PER1: variants seen among roughly 807,000 people sequenced by gnomAD.
The protein encoded by PER1 is period circadian regulator 1.
In PER1, 87 loss-of-function variants were observed where a neutral mutation model predicts 125.9. The ratio of observed to expected loss-of-function variants is 0.69; its 90% CI spans 0.58 to 0.83. The LOEUF is 0.83. Ranked by LOEUF, PER1 falls within the 40% of genes least tolerant of loss-of-function variation. PER1 has a pLI of 0.00. For missense variants in PER1, 1,775 were observed against 1,722.8 expected (o/e 1.03, Z -0.54); for synonymous variants, 801 against 714.7 (o/e 1.12, Z -1.93).
At chr17:8,150,352 G>A (rs769408317) in intron 2 of PER1, 35 bp from the exon 3 acceptor site, 5 of 1,550,320 alleles carry the variant, frequency 3.2e-6, no homozygotes, top group Non-Finnish European at 3.5e-6. Context: ...TACAGGTAGG[G>A]CCAGCAGTGC....
chr17:8,149,565 C>T lies in PER1; in HGVS notation c.750G>A (p.Arg250=), dbSNP rs1439674484. Residue 250 remains arginine (R), a synonymous_variant, in exon 6 of 23, where the codon CGG becomes CGA. Coordinates refer to ENST00000317276, the MANE Select transcript of PER1 (RefSeq NM_002616.3). ...CCAGGAGCTCAGAGAAGCGGGTACC[C>T]CGGAACACGTCCCGCTTGCAACGCA... ...VLLRCKRDVF[R]GTRFSELLAP... 1 of 1,613,922 alleles carries T rather than the reference C, an allele frequency of 6.2e-7. No homozygotes were observed. Among genetic ancestry groups the T allele is most frequent in the Non-Finnish European group, 8.5e-7 (1 of 1,179,962 alleles).
At position 8,147,722 on chromosome 17, in the gene PER1, G is replaced by A. The variant is rs866324510; in HGVS notation, c.1340C>T (p.Pro447Leu). Residue 447 changes from proline (P) to leucine (L), a missense_variant, in exon 11 of 23, where the codon CCC (proline) becomes CTC (leucine). By Grantham distance (98) the Pro-to-Leu change is moderately conservative. Transcript: ENST00000317276. ...MDTSWAGFVH[P>L]WSRKVAFVLG... ...CACGAAGGCTACCTTGCGGCTCCAG[G>A]GGTGCACAAAGCCAGCCCAGCTGGT... 2 of 1,614,010 alleles carry A rather than the reference G, an allele frequency of 1.2e-6. No homozygotes were observed. The highest frequency in any genetic ancestry group is 2.7e-5 in the African/African-American group (2 of 74,954).
Position 8,144,605 on chromosome 17 carries a change from G to A in PER1, c.2461+146C>T, listed in dbSNP as rs900878806. 1.4e-5 allele frequency: 15 copies of A among 1,098,540 alleles called. No individual in the cohort carries two copies. In the African/African-American group the frequency reaches 2.0e-4, roughly 15 times the overall value. The allele number at this position is 1,098,540 out of a possible 1,614,324, so 68.0% of individuals were successfully genotyped here. Reference sequence around the variant, plus strand: ...CATCCTAGTGGGGAGAAGCTAGCGAGGGGCCTGTCCCTAGGCAGGGCCTAG... The same window carrying A: ...CATCCTAGTGGGGAGAAGCTAGCGAAGGGCCTGTCCCTAGGCAGGGCCTAG... On this transcript the variant is annotated intron_variant, in intron 18 of 22. Transcript: ENST00000317276.
In PER1 at chr17:8,149,319, G is replaced by A; in HGVS notation, c.854-9C>T. 1 of 1,613,878 alleles carries A rather than the reference G, an allele frequency of 6.2e-7. No individual in the cohort carries two copies. The highest frequency in any genetic ancestry group is 8.5e-7 in the Non-Finnish European group (1 of 1,179,772). ...GTCCCTGAGGCCTGAACCTGGGACA[G>A]ACAGGAGAGGAGTGAGCACAGCTTC... On this transcript the variant is annotated splice_polypyrimidine_tract_variant and intron_variant, in intron 6 of 22. Coordinates refer to ENST00000317276, the MANE Select transcript of PER1 (RefSeq NM_002616.3).
At position 8,144,958 on chromosome 17, in the gene PER1, G is replaced by T; in HGVS notation, c.2254C>A (p.Pro752Thr). The stretch of plus-strand genomic sequence containing the variant: ...GGGGCTGGGCTGGGGGCTGGGCCTG[G>T]GGCTAGGCCAGGCAGGTCCTCCATC... The part of the protein sequence containing the change: ...IMMEDLPGLA[P>T]GPAPSPAPSP... Residue 752 changes from proline to threonine, a missense_variant, in exon 18 of 23, where the codon CCA becomes ACA. Transcript: ENST00000317276. 1 of 1,508,314 alleles carries T rather than the reference G, an allele frequency of 6.6e-7. No homozygotes were observed. The allele number at this position is 1,508,314 out of a possible 1,614,324, so 93.4% of individuals were successfully genotyped here.
At chr17:8,146,244 C>T (rs761697915) in intron 16 of PER1, 107 bp from the exon 17 acceptor site, 116 of 1,520,284 alleles carry the variant, frequency 7.6e-5, no homozygotes, top group Non-Finnish European at 9.7e-5. Flanking sequence ...ACAGAGGGAA[C>T]AGTCTGGAGA....
In PER1 at chr17:8,147,959, G is replaced by C. The variant is rs754815123; in HGVS notation, c.1234+38C>G. ...ACAAGGGCAGCCACTCAAAAGCCCA[G>C]GACAGTGGGAAGGGCGAGCAGGGCG... On this transcript the variant is annotated intron_variant, in intron 10 of 22. Transcript: ENST00000317276. 9 of 1,593,198 alleles carry C rather than the reference G, an allele frequency of 5.6e-6. No individual in the cohort carries two copies. The East Asian group carries it at 1.8e-4, about 32-fold the overall frequency.
Position 8,142,270 on chromosome 17 carries a change from T to C in PER1, c.3448A>G (p.Arg1150Gly). ...RVMMTYQVPS[R>G]DMTSVLKQDR... ...AAGAAGGCCTCTGAAATGCCTCACC[T>C]GGAGGGCACCTGGTAGGTCATCATG... Residue 1150 changes from arginine to glycine, a missense_variant and splice_region_variant, in exon 21 of 23, where the codon AGG becomes GGG. Arg to Gly is a moderately radical substitution (Grantham distance 125). Coordinates refer to ENST00000317276, the MANE Select transcript of PER1 (RefSeq NM_002616.3). The C allele has an allele frequency of 6.3e-7, 1 of 1,588,404 alleles. No homozygotes were observed. Among genetic ancestry groups the C allele is most frequent in the Non-Finnish European group, 8.6e-7 (1 of 1,167,502 alleles).
chr17:8,143,273 G>A lies in PER1; in HGVS notation c.3065C>T (p.Ala1022Val). 1.9e-6 allele frequency: 3 copies of A among 1,545,800 alleles called. No individual in the cohort carries two copies. Among genetic ancestry groups the A allele is most frequent in the African/African-American group, 1.4e-5 (1 of 73,494 alleles). ...GCAGGGGTCAGTGCTCACCAGTCTG[G>A]CCTCTGGCTCAGCAGCCTCCGCACT... ...PPSAEAAEPE[A>V]RLAEVTESSN... is the part of the protein sequence containing the mutation. The change falls in exon 19 of 23, where the codon GCC becomes GTC. Residue 1022 changes from alanine (A) to valine (V), a missense_variant. By Grantham distance (64) the Ala-to-Val change is moderately conservative. Coordinates refer to ENST00000317276, the MANE Select transcript of PER1 (RefSeq NM_002616.3).
chr17:8,143,029 G>A (rs1185764709), intron 19 of PER1, among the ~76,000 whole-genome samples, 194 bp from the exon 20 acceptor site: 3 of 152,216 alleles, frequency 2.0e-5, no homozygotes, highest in African/African-American at 7.2e-5. Flanking sequence ...CCCTTTCCAA[G>A]TGACAGATGC....
chr17:8,144,051 A>G (rs897641896), intron 18 of PER1, 175 bp from the exon 19 acceptor site: 2 of 975,614 alleles, frequency 2.0e-6, no homozygotes, highest in African/African-American at 1.7e-5. Flanking sequence ...GAAGAATCAC[A>G]GGAGCCAGGG....
At position 8,141,107 on chromosome 17, in the gene PER1, G is replaced by A. The variant is rs78714615; in HGVS notation, c.3834C>T (p.Ser1278=). 9.8e-4 allele frequency: 1,579 copies of A among 1,614,108 alleles called. 9 individuals are homozygous for A. In the African/African-American group the frequency reaches 0.018, roughly 19 times the overall value. Reference sequence around the variant, plus strand: ...TTCCTGCTGTAGGTAAGGCTGGACTGGATGAGCTCCTGCCTTCTTCCTCCT... The same window carrying A: ...TTCCTGCTGTAGGTAAGGCTGGACTAGATGAGCTCCTGCCTTCTTCCTCCT... ...MEEEEEGRSS[S]SPALPTAGNC... is the part of the protein sequence containing the mutation. Residue 1278 remains serine, a synonymous_variant, in exon 23 of 23, where the codon TCC becomes TCT. Coordinates refer to ENST00000317276, the MANE Select transcript of PER1 (RefSeq NM_002616.3).
chr17:8,147,301 G>T lies in PER1; in HGVS notation c.1578C>A (p.Ser526=). The T allele has an allele frequency of 1.2e-6, 2 of 1,613,522 alleles. No homozygotes were observed. Among genetic ancestry groups the T allele is most frequent in the Non-Finnish European group, 1.7e-6 (2 of 1,179,816 alleles). The change falls in exon 13 of 23, where the codon TCC becomes TCA. Residue 526 remains serine (S), a synonymous_variant. Transcript: ENST00000317276. The stretch of plus-strand genomic sequence containing the variant: ...CATCACCCCCGTTGCTATCACTGGA[G>T]GACCCAGGGCTGTGGAGAGGGCCTG... The part of the protein sequence containing the change: ...TSPGPLHSPG[S]SSDSNGGDAE...
At position 8,150,346 on chromosome 17, in the gene PER1, G is replaced by A. The variant is rs780633886; in HGVS notation, c.276-29C>T. 6 of 1,546,962 alleles carry A rather than the reference G, an allele frequency of 3.9e-6. No homozygotes were observed. The African/African-American group carries it at 6.9e-5, about 18-fold the overall frequency. On this transcript the variant is annotated intron_variant, in intron 2 of 22. Coordinates refer to ENST00000317276, the MANE Select transcript of PER1 (RefSeq NM_002616.3). ...GGAGACAGCAACAGGCCCAGTTACA[G>A]GTAGGGCCAGCAGTGCGAGGCCTGT...
chr17:8,147,315 G>A lies in PER1; in HGVS notation c.1564C>T (p.His522Tyr). The change falls in exon 13 of 23, where the codon CAC becomes TAC. Residue 522 changes from histidine (H) to tyrosine (Y), a missense_variant. By Grantham distance (83) the His-to-Tyr change is moderately conservative. Transcript: ENST00000317276. ...CTATCACTGGAGGACCCAGGGCTGT[G>A]GAGAGGGCCTGGGGATGTCACGGCG... ...VGAVTSPGPL[H>Y]SPGSSSDSNG... 1 of 1,613,632 alleles carries A rather than the reference G, an allele frequency of 6.2e-7. No individual in the cohort carries two copies. Among genetic ancestry groups the A allele is most frequent in the East Asian group, 2.2e-5 (1 of 44,872 alleles).
chr17:8,147,511 T>C lies in PER1; in HGVS notation c.1456A>G (p.Ile486Val). 1 of 1,613,822 alleles carries C rather than the reference T, an allele frequency of 6.2e-7. No homozygotes were observed. The highest frequency in any genetic ancestry group is 1.3e-5 in the African/African-American group (1 of 75,014). The change falls in exon 12 of 23, where the codon ATC (isoleucine) becomes GTC (valine). Residue 486 changes from isoleucine (I) to valine (V), a missense_variant. Transcript: ENST00000317276. ...TGGATCTGCTCTGACAGCTCCTGGA[T>C]ATCAGTGTCCAGGGAGGGAGCTGGG... is the stretch of plus-strand genomic sequence containing the variant. ...PSPAPSLDTD[I>V]QELSEQIHRL...
In PER1 at chr17:8,141,824, G is replaced by A. The variant is rs987660527; in HGVS notation, c.3581C>T (p.Pro1194Leu). The A allele has an allele frequency of 1.2e-6, 2 of 1,613,848 alleles. No individual in the cohort carries two copies. Among genetic ancestry groups the A allele is most frequent in the East Asian group, 2.2e-5 (1 of 44,864 alleles). The change falls in exon 22 of 23, where the codon CCT becomes CTT. Residue 1194 changes from proline to leucine, a missense_variant. Coordinates refer to ENST00000317276, the MANE Select transcript of PER1 (RefSeq NM_002616.3). ...VHSWVRKGQL[P>L]RALDVMACVD... ...TCTCACCATCACATCAAGAGCCCGA[G>A]GCAGTTGGCCCTTCCGGACCCAGGA... is the stretch of plus-strand genomic sequence containing the variant.
rs1415045269 is a variant in PER1, at chr17:8,144,087, C to G, written c.2462-211G>C. Reference sequence around the variant, plus strand: ...ACAAGGGGATTTATTGAGAAAGGAACAAGGCCAGGGAGAGGTTACACGAGG... The same window carrying G: ...ACAAGGGGATTTATTGAGAAAGGAAGAAGGCCAGGGAGAGGTTACACGAGG... On this transcript the variant is annotated intron_variant, in intron 18 of 22. Transcript: ENST00000317276. The G allele has an allele frequency of 7.0e-6, 5 of 713,872 alleles. No individual in the cohort carries two copies. The African/African-American group carries it at 7.3e-5, about 10-fold the overall frequency. The allele number at this position is 713,872 out of a possible 1,614,324, so 44.2% of individuals were successfully genotyped here.
Position 8,149,943 on chromosome 17 carries a change from C to T in PER1, c.529+28G>A, listed in dbSNP as rs200466348. On this transcript the variant is annotated intron_variant, in intron 4 of 22. Coordinates refer to ENST00000317276, the MANE Select transcript of PER1 (RefSeq NM_002616.3). ...CTCAACACGGGAGCCCAGGCCCAGG[C>T]CATTCCCTCTTGGGACACACCACTT... The T allele has an allele frequency of 2.3e-4, 375 of 1,613,872 alleles. 1 individual carries two copies. In the Middle Eastern group the frequency reaches 3.0e-3, roughly 13 times the overall value.
Sources: gnomAD v4.1 joint callset for allele counts (sites outside exome capture counted in the v4.1 genomes callset) on GRCh38, gnomAD v4.1.1 for gene constraint, MANE v1.5 for transcripts, NCBI Gene and HGNC (gene_info 2026-07-23, HGNC 2026-07-21) for gene names.